UST: variants seen among roughly 807,000 people sequenced by gnomAD.
UST encodes the protein chondroitin sulfate 2-O-sulfotransferase.
In UST, 21 loss-of-function variants were observed where a neutral mutation model predicts 45.6. That is an observed-to-expected ratio of 0.46 (90% CI 0.33 to 0.66). The LOEUF (loss-of-function observed/expected upper bound fraction) is 0.66. Among genes scored for constraint, UST ranks in the 30% least tolerant of loss-of-function variants. The pLI, the probability that UST is intolerant of heterozygous loss-of-function variation, is 0.02. For missense variants in UST, 463 were observed against 512.4 expected (o/e 0.90, Z 0.93); for synonymous variants, 215 against 200.6 (o/e 1.07, Z -0.61).
At chr6:148,993,893 CAG>C (rs1435457628) in intron 5 of UST, among the ~76,000 whole-genome samples, 1 of 151,354 alleles carries the variant, frequency 6.6e-6, no homozygotes, top group African/African-American at 2.4e-5. Context: ...GCACAGCCTG[CAG>C]ATCACTGGGT....
Position 148,790,463 on chromosome 6 carries a change from C to T in UST, c.247+42786C>T, listed in dbSNP as rs1242496432. On this transcript the variant is annotated intron_variant, in intron 1 of 7. Coordinates refer to ENST00000367463, the MANE Select transcript of UST (RefSeq NM_005715.3). The surrounding 1 kb of genome is among the most constrained non-coding windows in gnomAD (Gnocchi z 4.2). ...AGTTGCCCAGGGGTAGATGGCATACCTCCTTGGCGAATCTGATTTTGAAGT... is the reference window on the plus strand; with the variant it reads ...AGTTGCCCAGGGGTAGATGGCATACTTCCTTGGCGAATCTGATTTTGAAGT... Among the ~76,000 whole-genome samples, 2 of 152,218 alleles carry T rather than the reference C, an allele frequency of 1.3e-5. No homozygotes were observed. The highest frequency in any genetic ancestry group is 2.9e-5 in the Non-Finnish European group (2 of 68,036).
chr6:149,043,162 G>A (rs1037365698), intron 7 of UST, among the ~76,000 whole-genome samples: 2 of 150,978 alleles, frequency 1.3e-5, no homozygotes, highest in Admixed American at 6.6e-5. Flanking sequence ...AGGCTAGAGT[G>A]TGGTGGCATG....
At chr6:148,995,810 A>G (rs996300348) in intron 5 of UST, among the ~76,000 whole-genome samples, 7 of 152,250 alleles carry the variant, frequency 4.6e-5, no homozygotes, top group African/African-American at 1.7e-4. Flanking sequence ...CTGGAGCTGA[A>G]CAGCATCTGC....
At chr6:148,982,700 C>T (rs1045442938) in intron 5 of UST, among the ~76,000 whole-genome samples, 3 of 152,178 alleles carry the variant, frequency 2.0e-5, no homozygotes, top group African/African-American at 7.2e-5. Flanking sequence ...AAAAGAAGCA[C>T]TTCTGTTATG....
At chr6:148,892,580 A>T (rs770211445) in intron 2 of UST, among the ~76,000 whole-genome samples, 4 of 152,168 alleles carry the variant, frequency 2.6e-5, no homozygotes, top group Admixed American at 1.3e-4. Flanking sequence ...AATTAAAATT[A>T]AAAAAATAAA....
chr6:148,811,198 A>G (rs1472274212), intron 1 of UST, among the ~76,000 whole-genome samples: 5 of 152,186 alleles, frequency 3.3e-5, no homozygotes, highest in Admixed American at 3.3e-4. Flanking sequence ...CTTATGTGTT[A>G]TGACTCCCCA....
intron 5 of UST, among the ~76,000 whole-genome samples, chr6:148,986,458 A>G (rs1012586147): frequency 2.0e-5 from 3 of 152,158 alleles, no homozygotes; most frequent in African/African-American, 7.2e-5. Context: ...TCAATTTTTT[A>G]TTTTTAGGAA....
rs547106435 is a variant in UST at position 148,990,267 on chromosome 6, G to T, written c.681+25704G>T. 1,491 of 351,416 alleles carry T rather than the reference G, an allele frequency of 4.2e-3. 4 individuals carry two copies. Among genetic ancestry groups the T allele is most frequent in the Non-Finnish European group, 5.4e-3 (1,352 of 250,980 alleles). 21.8% of individuals were successfully genotyped at this position (351,416 alleles called of 1,614,324 possible). On this transcript the variant is annotated intron_variant, in intron 5 of 7. Coordinates refer to ENST00000367463, the MANE Select transcript of UST (RefSeq NM_005715.3). ...GCTTTTTATCGTCCTCTTTTTGCTT[G>T]GCCATATTTTATATAATAAACAGGA...
At chr6:148,977,293 A>T (rs1416560962) in intron 5 of UST, among the ~76,000 whole-genome samples, 1 of 143,846 alleles carries the variant, frequency 7.0e-6, no homozygotes, top group Non-Finnish European at 1.5e-5. Flanking sequence ...CATAATACAT[A>T]GTTTTATTAT....
At chr6:148,984,613 C>T (rs1042040212) in intron 5 of UST, among the ~76,000 whole-genome samples, 4 of 152,224 alleles carry the variant, frequency 2.6e-5, no homozygotes, top group African/African-American at 9.6e-5. Flanking sequence ...TAGCTCACTG[C>T]AGCCTCAAAC....
intron 1 of UST, among the ~76,000 whole-genome samples, chr6:148,777,184 A>G (rs1776551301): frequency 6.6e-6 from 1 of 152,212 alleles, no homozygotes; most frequent in Non-Finnish European, 1.5e-5. Flanking sequence ...GACTGCTCTT[A>G]ATGAATAAGG....
chr6:148,908,876 A>C (rs978141299), intron 2 of UST, among the ~76,000 whole-genome samples: 1 of 152,200 alleles, frequency 6.6e-6, no homozygotes, highest in Non-Finnish European at 1.5e-5. Context: ...TCATCCATTT[A>C]TTGGAGGTCT....
intron 7 of UST, among the ~76,000 whole-genome samples, chr6:149,038,603 G>A (rs1266193248): frequency 6.6e-6 from 1 of 152,188 alleles, no homozygotes; most frequent in Non-Finnish European, 1.5e-5. Flanking sequence ...TAAGCTACCT[G>A]GTTTGTGGCA....
At chr6:148,955,078 C>G (rs1271958958) in intron 4 of UST, among the ~76,000 whole-genome samples, 3 of 152,238 alleles carry the variant, frequency 2.0e-5, no homozygotes, top group Admixed American at 2.0e-4. Flanking sequence ...CTCCGGGCCT[C>G]CCTTGTCAGC....
intron 5 of UST, among the ~76,000 whole-genome samples, chr6:148,975,218 C>T (rs1359296259): frequency 1.3e-5 from 2 of 152,178 alleles, no homozygotes; most frequent in Non-Finnish European, 2.9e-5. Context: ...TTCTTTTTTA[C>T]ATTCTCATAC....
chr6:148,856,074 T>G (rs1301779125), intron 1 of UST, among the ~76,000 whole-genome samples: 5 of 152,190 alleles, frequency 3.3e-5, no homozygotes, highest in Non-Finnish European at 5.9e-5. Context: ...TGGAGTGCAG[T>G]AACGCGATCT....
chr6:148,753,060 A>G (rs984588134), intron 1 of UST, among the ~76,000 whole-genome samples: 4 of 152,348 alleles, frequency 2.6e-5, no homozygotes, highest in East Asian at 1.9e-4. Context: ...GCAAAAGTCA[A>G]TGTAGCAACT....
chr6:148,960,442 A>G (rs1375170549), intron 4 of UST, among the ~76,000 whole-genome samples: 2 of 152,138 alleles, frequency 1.3e-5, no homozygotes, highest in Admixed American at 1.3e-4. Context: ...CCTCTGGCCT[A>G]TGGTACTTTT....
At chr6:148,838,737 T>C (rs1245429747) in intron 1 of UST, among the ~76,000 whole-genome samples, 5 of 151,952 alleles carry the variant, frequency 3.3e-5, no homozygotes, top group Admixed American at 2.0e-4. Flanking sequence ...CACCCCTGTC[T>C]CTACAGAATT....
Sources: allele counts gnomAD v4.1 joint callset (sites outside exome capture counted in the v4.1 genomes callset), GRCh38; gene constraint gnomAD v4.1.1; non-coding constraint Gnocchi (gnomAD v3.1); transcripts MANE v1.5; gene names NCBI Gene and HGNC (gene_info 2026-07-23, HGNC 2026-07-21).